The following MGAT3 variants were observed in gnomAD, a reference collection of about 807,000 sequenced individuals.
The protein encoded by MGAT3 is beta-1,4-mannosyl-glycoprotein 4-beta-N-acetylglucosaminyltransferase, also known as GlcNAc-T III.
MGAT3 carries 9 observed loss-of-function variants against 29.8 expected under a neutral mutation model. The observed-to-expected ratio is 0.30, with a 90% CI of 0.18 to 0.53. MGAT3 has a LOEUF of 0.53. MGAT3 is among the 20% of genes least tolerant of loss of function. The pLI is 0.96. For synonymous variants in MGAT3, 397 were observed against 348.9 expected, an observed-to-expected ratio of 1.14 and a Z score of -1.54; for missense variants, 557 against 769.5, an observed-to-expected ratio of 0.72 and a Z score of 3.27.
intron 1 of MGAT3, among the ~76,000 whole-genome samples, chr22:39,481,840 C>T (rs1929136135): frequency 6.6e-6 from 1 of 152,200 alleles, no homozygotes; most frequent in African/African-American, 2.4e-5. Flanking sequence ...AGGGTACCTG[C>T]TTCGTGTTGG....
chr22:39,475,036 T>C (rs1253366813), intron 1 of MGAT3, among the ~76,000 whole-genome samples: 1 of 151,194 alleles, frequency 6.6e-6, no homozygotes, highest in Non-Finnish European at 1.5e-5. Flanking sequence ...GTTCTGCTTG[T>C]GGTGCGGCCT....
intron 1 of MGAT3, among the ~76,000 whole-genome samples, chr22:39,475,578 C>A (rs1360904524): frequency 1.3e-5 from 2 of 152,210 alleles, no homozygotes; most frequent in Non-Finnish European, 2.9e-5. Context: ...ATCAGCTCAC[C>A]ACTGCCCCGC....
chr22:39,478,102 G>A (rs1929019971), intron 1 of MGAT3, among the ~76,000 whole-genome samples: 1 of 152,232 alleles, frequency 6.6e-6, no homozygotes, highest in African/African-American at 2.4e-5. Context: ...GGTCACATGG[G>A]GCAGGACCAG....
chr22:39,463,255 C>A (rs989753826), intron 1 of MGAT3, among the ~76,000 whole-genome samples: 1 of 152,236 alleles, frequency 6.6e-6, no homozygotes, highest in Non-Finnish European at 1.5e-5. Flanking sequence ...CTATTATCAT[C>A]CCTGTTTGGC....
chr22:39,462,571 A>G (rs1928528182), intron 1 of MGAT3, among the ~76,000 whole-genome samples: 1 of 152,164 alleles, frequency 6.6e-6, no homozygotes, highest in Admixed American at 6.5e-5. Flanking sequence ...GGGAGGGGCT[A>G]TTGTCCCCAC....
chr22:39,487,290 C>G lies in MGAT3; in HGVS notation c.-1-57C>G. ...CAGCAGAGGCCTCCTAGGTCCCCTT[C>G]CTAGGAAAGGAGCCTGGGCTGCCCT... On this transcript the variant is annotated intron_variant, in intron 1 of 1. Transcript: ENST00000341184. This position sits in a 1 kb window ranked among gnomAD's most constrained non-coding sequence, Gnocchi z 5.7. 6.5e-7 allele frequency: 1 copy of G among 1,543,564 alleles called. No homozygotes were observed. Among genetic ancestry groups the G allele is most frequent in the East Asian group, 2.3e-5 (1 of 44,388 alleles).
At chr22:39,465,950 A>G (rs1048979045) in intron 1 of MGAT3, among the ~76,000 whole-genome samples, 9 of 151,298 alleles carry the variant, frequency 5.9e-5, no homozygotes, top group African/African-American at 2.2e-4. Context: ...AAAAAAAAAG[A>G]AAAGAAAAAA....
In MGAT3 at chr22:39,489,070, G is replaced by T; in HGVS notation, c.*121G>T. 8.8e-7 allele frequency: 1 copy of T among 1,134,934 alleles called. No individual in the cohort carries two copies. The allele number at this position is 1,134,934 out of a possible 1,614,324, so 70.3% of individuals were successfully genotyped here. A position where few individuals can be genotyped will look rare whatever the true frequency, so the allele number is the denominator to read the frequency against. On this transcript the variant is annotated 3_prime_UTR_variant, in exon 2 of 2. Coordinates refer to ENST00000341184, the MANE Select transcript of MGAT3 (RefSeq NM_002409.5). ...GGACCAGGAGTGGGTGGGGAGTGGG[G>T]GTGGGGGTAGGGTTTCCCTACTGAA...
rs183230640 is a variant in MGAT3 at position 39,473,774 on chromosome 22, C to T, written c.-1-13573C>T. 9.5e-3 allele frequency among the ~76,000 whole-genome samples: 533 copies of T among 56,396 alleles called. 6 individuals carry two copies. The highest frequency in any genetic ancestry group is 0.034 in the African/African-American group (491 of 14,232). 37.0% of individuals were successfully genotyped at this position (56,396 alleles called of 152,430 possible). A position where few individuals can be genotyped will look rare whatever the true frequency, so the allele number is the denominator to read the frequency against. On this transcript the variant is annotated intron_variant, in intron 1 of 1. Coordinates refer to ENST00000341184, the MANE Select transcript of MGAT3 (RefSeq NM_002409.5). ...CCCTCGCTTGCTTGTCTCCAAGTTCCGGGTGATCGGGGCTAGGGGAAAATA... is the reference window on the plus strand; with the variant it reads ...CCCTCGCTTGCTTGTCTCCAAGTTCTGGGTGATCGGGGCTAGGGGAAAATA...
chr22:39,461,972 G>C (rs1928512140), intron 1 of MGAT3, among the ~76,000 whole-genome samples: 1 of 151,750 alleles, frequency 6.6e-6, no homozygotes, highest in South Asian at 2.1e-4. Flanking sequence ...CATGATCTCG[G>C]CTCACTGCAA....
At chr22:39,459,072 C>CTTTTT (rs3043636) in intron 1 of MGAT3, among the ~76,000 whole-genome samples, 8 of 141,432 alleles carry the variant, frequency 5.7e-5, no homozygotes, top group Non-Finnish European at 1.3e-4. Flanking sequence ...CTTTTCTTTT[C>CTTTTT]TTTTTTTTTT....
chr22:39,466,697 G>T lies in MGAT3; in HGVS notation c.-2+9140G>T, dbSNP rs189164343. Among the ~76,000 whole-genome samples, 457 of 152,352 alleles carry T rather than the reference G, an allele frequency of 3.0e-3. 4 individuals are homozygous for T. The highest frequency in any genetic ancestry group is 0.01 in the African/African-American group (431 of 41,588). On this transcript the variant is annotated intron_variant, in intron 1 of 1. Transcript: ENST00000341184. ...TGCCCGCAGGGCAGGAGCCAGGGCT[G>T]CTTGTTTCACCTCCATGCTGAAGCC...
chr22:39,467,008 G>A (rs150225003), intron 1 of MGAT3, among the ~76,000 whole-genome samples: 4 of 152,336 alleles, frequency 2.6e-5, no homozygotes, highest in Non-Finnish European at 5.9e-5. Context: ...GAGCTAGGTG[G>A]CAGGGGCACA....
intron 1 of MGAT3, among the ~76,000 whole-genome samples, chr22:39,473,195 G>A (rs1416134764): frequency 6.6e-6 from 1 of 152,192 alleles, no homozygotes; most frequent in African/African-American, 2.4e-5. Flanking sequence ...AGTCCTGTGT[G>A]TGCTGCTACC....
chr22:39,487,051 C>T lies in MGAT3; in HGVS notation c.-1-296C>T, dbSNP rs532484485. Among the ~76,000 whole-genome samples, 11 of 152,210 alleles carry T rather than the reference C, an allele frequency of 7.2e-5. No individual in the cohort carries two copies. The highest frequency in any genetic ancestry group is 2.0e-4 in the Admixed American group (3 of 15,302). On this transcript the variant is annotated intron_variant, in intron 1 of 1. Coordinates refer to ENST00000341184, the MANE Select transcript of MGAT3 (RefSeq NM_002409.5). This position sits in a 1 kb window ranked among gnomAD's most constrained non-coding sequence, Gnocchi z 5.7. Reference sequence around the variant, plus strand: ...GGAGCCAAGCCTAGCAGTGCAGCCGCACAGTCAGGGTGGGGTGGGCCAGGC... The same window carrying T: ...GGAGCCAAGCCTAGCAGTGCAGCCGTACAGTCAGGGTGGGGTGGGCCAGGC...
intron 1 of MGAT3, among the ~76,000 whole-genome samples, chr22:39,479,430 GCC>G (rs35693900): frequency 6.6e-6 from 1 of 152,150 alleles, no homozygotes. Context: ...GGAGCCTCAA[GCC>G]CCCCTTTTCT....
chr22:39,468,123 G>A (rs1332805486), intron 1 of MGAT3, among the ~76,000 whole-genome samples: 1 of 152,088 alleles, frequency 6.6e-6, no homozygotes, highest in Non-Finnish European at 1.5e-5. Context: ...CCAGCTGAGG[G>A]CGGGCTCCCT....
At chr22:39,464,659 T>C (rs1458365573) in intron 1 of MGAT3, among the ~76,000 whole-genome samples, 2 of 152,062 alleles carry the variant, frequency 1.3e-5, no homozygotes, top group African/African-American at 2.4e-5. Context: ...CAGGCTGGTC[T>C]CCAACTCCTG....
chr22:39,490,317 T>G lies in MGAT3; in HGVS notation c.*1368T>G, dbSNP rs1293880608. On this transcript the variant is annotated 3_prime_UTR_variant, in exon 2 of 2. Coordinates refer to ENST00000341184, the MANE Select transcript of MGAT3 (RefSeq NM_002409.5). ...CCAGAATTGGCAGGCTCACCTCTGC[T>G]GGCCTCTCATTGGCTGGGACTCAGT... 6.0e-6 allele frequency: 1 copy of G among 167,146 alleles called. No individual in the cohort carries two copies. Among genetic ancestry groups the G allele is most frequent in the Non-Finnish European group, 1.5e-5 (1 of 68,132 alleles). 10.4% of individuals were successfully genotyped at this position (167,146 alleles called of 1,614,324 possible). A position where few individuals can be genotyped will look rare whatever the true frequency, so the allele number is the denominator to read the frequency against.
Sources: gnomAD v4.1 joint callset for allele counts (sites outside exome capture counted in the v4.1 genomes callset) on GRCh38, gnomAD v4.1.1 for gene constraint, Gnocchi (gnomAD v3.1) non-coding constraint, MANE v1.5 for transcripts, NCBI Gene and HGNC (gene_info 2026-07-23, HGNC 2026-07-21) for gene names.